Variants in RP1 observed in about 807,000 individuals in gnomAD.
The protein encoded by RP1 is RP1 axonemal microtubule associated, also known as oxygen-regulated protein 1.
RP1 carries 16 observed loss-of-function variants against 14.8 expected under a neutral mutation model. The observed-to-expected ratio is 1.08, with a 90% CI of 0.73 to 1.65. The LOEUF (loss-of-function observed/expected upper bound fraction) is 1.65. Among genes scored for constraint, RP1 ranks in the 40% most tolerant of loss-of-function variants. The pLI, the probability that RP1 is intolerant of heterozygous loss-of-function variation, is 0.00. For missense variants in RP1, 2,631 were observed against 2,535.0 expected, an observed-to-expected ratio of 1.04 and a Z score of -0.81; for synonymous variants, 876 against 883.6, an observed-to-expected ratio of 0.99 and a Z score of 0.15.
At chr8:54,796,939 T>G (rs2129387225) in intron 24 of RP1, among the ~76,000 whole-genome samples, 1 of 152,288 alleles carries the variant, frequency 6.6e-6, no homozygotes, top group Non-Finnish European at 1.5e-5. Flanking sequence ...TTTACTAATC[T>G]TGCTGAGAGA....
intron 19 of RP1, among the ~76,000 whole-genome samples, chr8:54,752,063 C>G (rs1252569533): frequency 6.6e-6 from 1 of 152,144 alleles, no homozygotes; most frequent in Non-Finnish European, 1.5e-5. Flanking sequence ...GGTAGTATGA[C>G]CTTGTAATCG....
At chr8:54,852,929 T>C (rs914923121) in intron 26 of RP1, among the ~76,000 whole-genome samples, 1 of 152,182 alleles carries the variant, frequency 6.6e-6, no homozygotes, top group Non-Finnish European at 1.5e-5. Context: ...AAACACAATA[T>C]TCTACTTCCA....
intron 1 of RP1, among the ~76,000 whole-genome samples, chr8:54,561,540 A>G (rs1347165033): frequency 6.6e-6 from 1 of 152,186 alleles, no homozygotes; most frequent in Admixed American, 6.5e-5. Flanking sequence ...TTCCTTCAGT[A>G]CAAGGAAATA....
intron 7 of RP1, among the ~76,000 whole-genome samples, chr8:54,670,493 A>ATGTATATATATACACATATATATGTATG (rs1187795001): frequency 8.2e-6 from 1 of 122,500 alleles, no homozygotes; most frequent in Non-Finnish European, 1.7e-5. Flanking sequence ...ATATGTAAGT[A>ATGTATATATATACACATATATATGTATG]TGTATATATA....
chr8:54,626,254 A>C lies in RP1; in HGVS notation c.2372A>C (p.Lys791Thr), dbSNP rs755929263. ...AATAAAATAAGCTTAGGAGCACCTA[A>C]AAAAAGAGAAATCGGTCAAAGAGAT... is the stretch of plus-strand genomic sequence containing the variant. Reference protein sequence around the residue: ...SLNKISLGAPKKREIGQRDKV... With the variant: ...SLNKISLGAPTKREIGQRDKV... Residue 791 changes from lysine (K) to threonine (T), a missense_variant, in exon 4 of 4, where the codon AAA (lysine) becomes ACA (threonine). Coordinates refer to ENST00000220676, the MANE Select transcript of RP1 (RefSeq NM_006269.2). The C allele has an allele frequency of 6.2e-7, 1 of 1,613,500 alleles. No individual in the cohort carries two copies. Among genetic ancestry groups the C allele is most frequent in the Non-Finnish European group, 8.5e-7 (1 of 1,179,718 alleles).
chr8:54,629,668 A>T lies in RP1; in HGVS notation c.5786A>T (p.Asn1929Ile). ...PILTVIIQPM[N>I]EEDRGFAYRK... The stretch of plus-strand genomic sequence containing the variant: ...CTAACTGTTATTATCCAACCCATGA[A>T]TGAGGAAGACCGAGGATTTGCATAT... The change falls in exon 4 of 4, where the codon AAT becomes ATT. Residue 1929 changes from asparagine (N) to isoleucine (I), a missense_variant. By Grantham distance (149) the Asn-to-Ile change is moderately radical (BLOSUM62 -3). Transcript: ENST00000220676. 1 of 1,613,974 alleles carries T rather than the reference A, an allele frequency of 6.2e-7. No individual in the cohort carries two copies. Among genetic ancestry groups the T allele is most frequent in the African/African-American group, 1.3e-5 (1 of 75,060 alleles).
At chr8:54,596,772 A>G (rs1805158106) in intron 1 of RP1, among the ~76,000 whole-genome samples, 1 of 152,336 alleles carries the variant, frequency 6.6e-6, no homozygotes, top group South Asian at 2.1e-4. Context: ...ATTACGATAC[A>G]TTATTCATTT....
chr8:54,749,734 G>A (rs148242925), intron 19 of RP1, among the ~76,000 whole-genome samples: 3 of 152,270 alleles, frequency 2.0e-5, no homozygotes, highest in South Asian at 2.1e-4. Flanking sequence ...AGGGAAAGCA[G>A]ACAAGGATTA....
At chr8:54,745,176 T>C (rs1312782644) in intron 19 of RP1, among the ~76,000 whole-genome samples, 2 of 152,202 alleles carry the variant, frequency 1.3e-5, no homozygotes, top group African/African-American at 4.8e-5. Context: ...TAAACCAGAT[T>C]GTGCTTAGTT....
intron 12 of RP1, among the ~76,000 whole-genome samples, chr8:54,682,476 C>T (rs1585602953): frequency 6.6e-6 from 1 of 152,048 alleles, no homozygotes; most frequent in Non-Finnish European, 1.5e-5. Context: ...TATATACCCA[C>T]AGGAATATAA....
intron 27 of RP1, among the ~76,000 whole-genome samples, chr8:54,857,983 CTCTTT>C (rs1286899057): frequency 6.6e-6 from 1 of 152,226 alleles, no homozygotes; most frequent in East Asian, 1.9e-4. Context: ...TTCCATATTC[CTCTTT>C]TCTTTCTGCT....
intron 1 of RP1, among the ~76,000 whole-genome samples, chr8:54,569,783 G>A (rs1804481757): frequency 6.6e-6 from 1 of 152,232 alleles, no homozygotes; most frequent in Non-Finnish European, 1.5e-5. Context: ...TTACAGTCCA[G>A]TAGGACAGAG....
At chr8:54,608,961 G>C (rs1013626728) in intron 1 of RP1, among the ~76,000 whole-genome samples, 4 of 152,140 alleles carry the variant, frequency 2.6e-5, no homozygotes, top group African/African-American at 9.7e-5. Flanking sequence ...GGTTCCGGAG[G>C]ACTTTATGTT....
At chr8:54,714,948 T>C (rs1808366888) in intron 15 of RP1, among the ~76,000 whole-genome samples, 1 of 152,262 alleles carries the variant, frequency 6.6e-6, no homozygotes, top group South Asian at 2.1e-4. Flanking sequence ...TGCTGAGTGA[T>C]TCATCTTGGA....
intron 1 of RP1, among the ~76,000 whole-genome samples, chr8:54,586,180 G>A (rs1045000895): frequency 2.6e-5 from 4 of 152,142 alleles, no homozygotes; most frequent in African/African-American, 7.2e-5. Flanking sequence ...GTTTTGGTGT[G>A]GATGTCCTTT....
At chr8:54,803,203 T>C (rs1810755921) in intron 24 of RP1, among the ~76,000 whole-genome samples, 1 of 152,220 alleles carries the variant, frequency 6.6e-6, no homozygotes, top group African/African-American at 2.4e-5. Flanking sequence ...TTCAAATGAA[T>C]TTTCGTAGCT....
intron 17 of RP1, among the ~76,000 whole-genome samples, chr8:54,732,382 A>G (rs1383446836): frequency 6.6e-6 from 1 of 152,140 alleles, no homozygotes; most frequent in African/African-American, 2.4e-5. Context: ...CCAGATATTT[A>G]TATGTCTGTT....
At chr8:54,686,850 C>T (rs1002138577) in intron 12 of RP1, among the ~76,000 whole-genome samples, 1 of 151,894 alleles carries the variant, frequency 6.6e-6, no homozygotes, top group Admixed American at 6.6e-5. Context: ...AGTAGACTTT[C>T]AAGAGAAAAA....
intron 25 of RP1, among the ~76,000 whole-genome samples, chr8:54,851,573 G>A (rs1486235570): frequency 6.6e-6 from 1 of 152,104 alleles, no homozygotes; most frequent in Admixed American, 6.5e-5. Context: ...CTTCTTTATA[G>A]GTTGCTTGAA....
Sources: gnomAD v4.1 joint callset for allele counts (sites outside exome capture counted in the v4.1 genomes callset) on GRCh38, gnomAD v4.1.1 for gene constraint, MANE v1.5 for transcripts, NCBI Gene and HGNC (gene_info 2026-07-23, HGNC 2026-07-21) for gene names.